EPHA4: variants seen among roughly 807,000 people sequenced by gnomAD.
EPHA4 encodes the protein ephrin type-A receptor 4.
In EPHA4, 19 loss-of-function variants were observed where a neutral mutation model predicts 108.3. The observed-to-expected ratio is 0.18, with a 90% CI of 0.12 to 0.26. EPHA4 has a LOEUF of 0.26. Among genes scored for constraint, EPHA4 ranks in the 10% least tolerant of loss-of-function variants. The pLI, the probability that EPHA4 is intolerant of heterozygous loss-of-function variation, is 1.00. For missense variants in EPHA4, 917 were observed against 1,254.0 expected, an observed-to-expected ratio of 0.73 and a Z score of 4.06; for synonymous variants, 449 against 455.5, an observed-to-expected ratio of 0.99 and a Z score of 0.18.
intron 3 of EPHA4, among the ~76,000 whole-genome samples, chr2:221,552,269 T>A (rs1233948340): frequency 6.6e-6 from 1 of 152,238 alleles, no homozygotes; most frequent in Middle Eastern, 3.2e-3. Context: ...AGTCAACTAG[T>A]GCCCTTGTAT....
Position 221,499,743 on chromosome 2 carries a change from TATATA to T in EPHA4, c.979+1269_979+1273del, listed in dbSNP as rs1448308676. 2.3e-4 allele frequency among the ~76,000 whole-genome samples: 14 copies of T among 60,678 alleles called. No homozygotes were observed. The East Asian group carries it at 3.1e-3, about 13-fold the overall frequency. 39.8% of individuals were successfully genotyped at this position (60,678 alleles called of 152,430 possible). ...ATATATATATATATATATATATATA[TATATA>T]TATATATATTTTTTTTTTTTTTTTT... On this transcript the variant is annotated intron_variant, in intron 4 of 17. Coordinates refer to ENST00000281821, the MANE Select transcript of EPHA4 (RefSeq NM_004438.5).
intron 5 of EPHA4, among the ~76,000 whole-genome samples, chr2:221,475,746 T>C (rs890556910): frequency 6.6e-6 from 1 of 152,268 alleles, no homozygotes; most frequent in Non-Finnish European, 1.5e-5. Flanking sequence ...TTGAATTTTA[T>C]ATAATTTCCA....
intron 3 of EPHA4, among the ~76,000 whole-genome samples, chr2:221,503,870 C>T (rs778825915): frequency 1.1e-4 from 16 of 152,154 alleles, no homozygotes; most frequent in Non-Finnish European, 2.1e-4. Context: ...ATTTTGCTGC[C>T]TACATTTAAA....
intron 5 of EPHA4, among the ~76,000 whole-genome samples, chr2:221,466,785 C>T (rs1241276485): frequency 6.6e-6 from 1 of 152,128 alleles, no homozygotes; most frequent in Non-Finnish European, 1.5e-5. Context: ...GAATAACTTG[C>T]TCCAAGTTAT....
intron 5 of EPHA4, among the ~76,000 whole-genome samples, chr2:221,478,713 C>T (rs1367424024): frequency 6.6e-6 from 1 of 152,148 alleles, no homozygotes; most frequent in East Asian, 1.9e-4. Flanking sequence ...TCCACCCACT[C>T]TCAGACCTGT....
chr2:221,475,273 C>T (rs1691620298), intron 5 of EPHA4, among the ~76,000 whole-genome samples: 1 of 152,174 alleles, frequency 6.6e-6, no homozygotes, highest in South Asian at 2.1e-4. Context: ...ATCAGTGAAG[C>T]ATGTCTCACA....
At chr2:221,514,206 G>A (rs1692925046) in intron 3 of EPHA4, among the ~76,000 whole-genome samples, 3 of 152,052 alleles carry the variant, frequency 2.0e-5, no homozygotes, top group Admixed American at 6.6e-5. Flanking sequence ...ACAGTGGAAG[G>A]TCCTCTGCAC....
rs199971007 is a variant in EPHA4, at chr2:221,482,534, G to A, written c.1136C>T (p.Pro379Leu). ...GGTGTAGTGGACCCCACTTCCACAG[G>A]GTCGGCACTTGCTGGGGTCACCAGC... ...CGAGDPSKCRPCGSGVHYTPQ... is the reference protein window; with the variant it reads ...CGAGDPSKCRLCGSGVHYTPQ... Residue 379 changes from proline (P) to leucine (L), a missense_variant, in exon 5 of 18, where the codon CCC (proline) becomes CTC (leucine). Transcript: ENST00000281821. 58 of 1,613,990 alleles carry A rather than the reference G, an allele frequency of 3.6e-5. No homozygotes were observed. Among genetic ancestry groups the A allele is most frequent in the East Asian group, 1.1e-4 (5 of 44,854 alleles).
At chr2:221,520,412 C>T (rs1466719947) in intron 3 of EPHA4, among the ~76,000 whole-genome samples, 1 of 152,094 alleles carries the variant, frequency 6.6e-6, no homozygotes, top group Non-Finnish European at 1.5e-5. Context: ...CTTCTGTATA[C>T]AAACACATAT....
intron 4 of EPHA4, among the ~76,000 whole-genome samples, chr2:221,490,549 C>T (rs1371612675): frequency 6.6e-6 from 1 of 152,204 alleles, no homozygotes; most frequent in Non-Finnish European, 1.5e-5. Flanking sequence ...AATGCTAAGG[C>T]AACCAGTCCA....
chr2:221,563,609 CCT>C (rs1410004300), intron 3 of EPHA4, 120 bp downstream of exon 3: 2 of 1,161,104 alleles, frequency 1.7e-6, no homozygotes, highest in African/African-American at 3.1e-5. Context: ...TCATTAGACC[CCT>C]GTGTCCCACC....
chr2:221,506,316 A>T (rs1051829141), intron 3 of EPHA4, among the ~76,000 whole-genome samples: 2 of 152,216 alleles, frequency 1.3e-5, no homozygotes, highest in African/African-American at 4.8e-5. Flanking sequence ...ATAATATAAG[A>T]AAAAATGATG....
At chr2:221,479,440 A>G (rs985551679) in intron 5 of EPHA4, among the ~76,000 whole-genome samples, 1 of 152,248 alleles carries the variant, frequency 6.6e-6, no homozygotes, top group African/African-American at 2.4e-5. Flanking sequence ...ATGGAGAACC[A>G]CTAACTTTTG....
At chr2:221,567,361 C>A (rs1191962527) in intron 2 of EPHA4, among the ~76,000 whole-genome samples, 1 of 152,200 alleles carries the variant, frequency 6.6e-6, no homozygotes, top group African/African-American at 2.4e-5. Context: ...ATAGGATTAA[C>A]AATGAGTCTG....
chr2:221,542,945 A>G (rs530821046), intron 3 of EPHA4, among the ~76,000 whole-genome samples: 8 of 152,188 alleles, frequency 5.3e-5, no homozygotes, highest in African/African-American at 1.9e-4. Flanking sequence ...AATGAGTAAA[A>G]CTACCTCCAC....
rs139022472 is a variant in EPHA4 at position 221,478,931 on chromosome 2, T to G, written c.1318+3421A>C. Among the ~76,000 whole-genome samples the G allele has an allele frequency of 2.2e-3, 342 of 152,346 alleles. 1 individual carries two copies. Among genetic ancestry groups the G allele is most frequent in the African/African-American group, 7.6e-3 (316 of 41,580 alleles). Reference sequence around the variant, plus strand: ...GACAGACATTCAGATTTCCTTTGTCTTCTGTGTCAACTGGTTTTCAACCCA... The same window carrying G: ...GACAGACATTCAGATTTCCTTTGTCGTCTGTGTCAACTGGTTTTCAACCCA... On this transcript the variant is annotated intron_variant, in intron 5 of 17. Coordinates refer to ENST00000281821, the MANE Select transcript of EPHA4 (RefSeq NM_004438.5).
intron 17 of EPHA4, among the ~76,000 whole-genome samples, chr2:221,424,203 G>A (rs1464936656): frequency 6.6e-6 from 1 of 151,614 alleles, no homozygotes. Flanking sequence ...AGCTTTTAAC[G>A]TGAATATCCA....
At chr2:221,500,052 C>T (rs933497796) in intron 4 of EPHA4, among the ~76,000 whole-genome samples, 6 of 151,946 alleles carry the variant, frequency 3.9e-5, no homozygotes, top group East Asian at 1.9e-4. Flanking sequence ...CCACCGCTCC[C>T]GGCCAAAGCT....
intron 3 of EPHA4, among the ~76,000 whole-genome samples, chr2:221,542,835 T>C (rs1693875925): frequency 6.6e-6 from 1 of 152,198 alleles, no homozygotes; most frequent in African/African-American, 2.4e-5. Flanking sequence ...AAAACAAGTG[T>C]TAAAATTAAT....
Sources: gnomAD v4.1 joint callset for allele counts (sites outside exome capture counted in the v4.1 genomes callset) on GRCh38, gnomAD v4.1.1 for gene constraint, MANE v1.5 for transcripts, NCBI Gene and HGNC (gene_info 2026-07-23, HGNC 2026-07-21) for gene names.